METTL15: variants seen among roughly 807,000 people sequenced by gnomAD.
The protein encoded by METTL15 is 12S rRNA N(4)-cytidine methyltransferase METTL15.
Under a neutral mutation model 38.3 loss-of-function variants are expected in METTL15, and 34 were observed. That is an observed-to-expected ratio of 0.89 (90% CI 0.68 to 1.18). METTL15 has a LOEUF of 1.18. Ranked by LOEUF, METTL15 falls within the 50% of genes most tolerant of loss-of-function variation. METTL15 has a pLI of 0.00. For synonymous variants in METTL15, 162 were observed against 170.9 expected (o/e 0.95, Z 0.41); for missense variants, 438 against 498.4 (o/e 0.88, Z 1.15).
In METTL15 at chr11:28,434,921, G is replaced by C. The variant is rs117528974; in HGVS notation, c.*424+10557G>C. ...TCATGGTAGTGGCAGGAATCAAAGA[G>C]AGAAGGCAGAAATGCATGAGCAAAT... On this transcript the variant is annotated intron_variant and NMD_transcript_variant, in intron 6 of 7. Transcript: ENST00000532947. Among the ~76,000 whole-genome samples the C allele has an allele frequency of 3.8e-3, 580 of 152,358 alleles. 2 individuals carry two copies. Among genetic ancestry groups the C allele is most frequent in the Middle Eastern group, 6.8e-3 (2 of 294 alleles).
At chr11:28,490,556 T>C (rs1485311623) in intron 6 of METTL15, among the ~76,000 whole-genome samples, 1 of 152,130 alleles carries the variant, frequency 6.6e-6, no homozygotes, top group African/African-American at 2.4e-5. Context: ...CCCTGAGATT[T>C]TGATTTAATT....
chr11:28,519,766 T>TA lies in METTL15; in HGVS notation c.*425-6703dup, dbSNP rs943704235. ...GTAATATTCTATTTTGCAGAAAGGC[T>TA]AAAAAAAAATAGCATAGACATCACT... is the stretch of plus-strand genomic sequence containing the variant. On this transcript the variant is annotated intron_variant and NMD_transcript_variant, in intron 6 of 7. Transcript: ENST00000532947. 3.3e-3 allele frequency among the ~76,000 whole-genome samples: 490 copies of TA among 150,658 alleles called. 4 individuals carry two copies. Among genetic ancestry groups the TA allele is most frequent in the African/African-American group, 0.01 (419 of 41,062 alleles).
intron 3 of METTL15, among the ~76,000 whole-genome samples, chr11:28,132,863 A>G (rs1849384798): frequency 6.6e-6 from 1 of 152,326 alleles, no homozygotes; most frequent in Admixed American, 6.5e-5. Context: ...ATTTGAACTT[A>G]GAGTACTGAA....
chr11:28,375,972 T>G (rs369230375), intron 5 of METTL15, among the ~76,000 whole-genome samples: 2 of 152,166 alleles, frequency 1.3e-5, no homozygotes, highest in Middle Eastern at 3.4e-3. Context: ...TGTAGTTGAG[T>G]GGTTTTGAGT....
intron 5 of METTL15, among the ~76,000 whole-genome samples, chr11:28,368,505 G>C (rs1209568715): frequency 6.6e-6 from 1 of 152,180 alleles, no homozygotes; most frequent in African/African-American, 2.4e-5. Context: ...GGAAACAACA[G>C]ATCCTGGAGA....
intron 5 of METTL15, chr11:28,410,536 T>C (rs1392705928): frequency 3.3e-5 from 5 of 152,144 alleles, no homozygotes; most frequent in South Asian, 2.1e-4. Flanking sequence ...ATCATCTCAA[T>C]TGACTCAAAA....
At chr11:28,349,191 C>T (rs865993109) in intron 3 of METTL15, among the ~76,000 whole-genome samples, 2 of 152,150 alleles carry the variant, frequency 1.3e-5, no homozygotes, top group Admixed American at 1.3e-4. Flanking sequence ...CTTTAATTGT[C>T]ACTCCCTTTC....
Position 28,113,588 on chromosome 11 carries a change from C to T in METTL15, c.254C>T (p.Ser85Leu), listed in dbSNP as rs938366601. The change falls in exon 3 of 7, where the codon TCA becomes TTA. Residue 85 changes from serine to leucine, a missense_variant. By Grantham distance (145) the Ser-to-Leu change is moderately radical. Coordinates refer to ENST00000407364, the MANE Select transcript of METTL15 (RefSeq NM_001113528.2). The stretch of plus-strand genomic sequence containing the variant: ...GTGGATGAAGTTGTTCATTGTTTGT[C>T]ACCACAAAAAGGACAGGTGAGTTGA... ...VMVDEVVHCL[S>L]PQKGQIFLDM... 6.2e-7 allele frequency: 1 copy of T among 1,608,392 alleles called. No individual in the cohort carries two copies. The highest frequency in any genetic ancestry group is 2.2e-5 in the East Asian group (1 of 44,790).
chr11:28,138,617 A>G (rs1240184597), intron 3 of METTL15, among the ~76,000 whole-genome samples: 1 of 152,202 alleles, frequency 6.6e-6, no homozygotes, highest in Non-Finnish European at 1.5e-5. Flanking sequence ...GAATTTGTTC[A>G]CAGACGGGAA....
chr11:28,505,053 A>G (rs1472161117), intron 6 of METTL15, among the ~76,000 whole-genome samples: 1 of 152,192 alleles, frequency 6.6e-6, no homozygotes, highest in Admixed American at 6.5e-5. Context: ...AGCTGGTTGC[A>G]TTGGCTTCTG....
In METTL15 at chr11:28,294,445, G is replaced by A. The variant is rs563688567; in HGVS notation, c.600-2308G>A. Among the ~76,000 whole-genome samples the A allele has an allele frequency of 5.3e-5, 8 of 152,284 alleles. No individual in the cohort carries two copies. In the South Asian group the frequency reaches 1.7e-3, roughly 32 times the overall value. On this transcript the variant is annotated intron_variant, in intron 5 of 6. Transcript: ENST00000407364. ...TAACCAGTCGCCATTTAACACTAAA[G>A]TCTTAAAACATAGTTTATTCTCTGC...
rs75882594 is a variant in METTL15 at position 28,274,136 on chromosome 11, T to C, written c.408-16070T>C. Among the ~76,000 whole-genome samples the C allele has an allele frequency of 5.0e-4, 76 of 152,196 alleles. No individual in the cohort carries two copies. In the East Asian group the frequency reaches 0.014, roughly 27 times the overall value. On this transcript the variant is annotated intron_variant, in intron 4 of 6. Coordinates refer to ENST00000407364, the MANE Select transcript of METTL15 (RefSeq NM_001113528.2). Reference sequence around the variant, plus strand: ...TAGAGTGTGGCTAAAAGAAATTTTCTTCTGAAACACACCCAGCTAATTAAT... The same window carrying C: ...TAGAGTGTGGCTAAAAGAAATTTTCCTCTGAAACACACCCAGCTAATTAAT...
Position 28,296,857 on chromosome 11 carries a change from T to C in METTL15, c.704T>C (p.Ile235Thr). 6.2e-7 allele frequency: 1 copy of C among 1,613,492 alleles called. No individual in the cohort carries two copies. Among genetic ancestry groups the C allele is most frequent in the Non-Finnish European group, 8.5e-7 (1 of 1,179,698 alleles). The change falls in exon 6 of 7, where the codon ATC becomes ACC. Residue 235 changes from isoleucine to threonine, a missense_variant. Coordinates refer to ENST00000407364, the MANE Select transcript of METTL15 (RefSeq NM_001113528.2). ...GGGGAGGAGAAGCATGCCAAGAAAA[T>C]CGCTTCAGCAATTGTTCAGGCACGC... is the stretch of plus-strand genomic sequence containing the variant. ...TYGEEKHAKK[I>T]ASAIVQARSI...
chr11:28,240,291 C>T (rs767979211), intron 4 of METTL15, among the ~76,000 whole-genome samples: 54 of 152,080 alleles, frequency 3.6e-4, no homozygotes, highest in African/African-American at 7.2e-4. Context: ...ATTTGTTAAA[C>T]GAGAAGAATG....
intron 3 of METTL15, among the ~76,000 whole-genome samples, chr11:28,351,551 T>C (rs906141755): frequency 2.6e-5 from 4 of 152,228 alleles, no homozygotes; most frequent in African/African-American, 9.6e-5. Flanking sequence ...AGTTAATTCA[T>C]GTGAGAAAGT....
intron 3 of METTL15, among the ~76,000 whole-genome samples, chr11:28,208,615 G>T (rs1443670246): frequency 6.6e-6 from 1 of 152,168 alleles, no homozygotes; most frequent in African/African-American, 2.4e-5. Context: ...TTCTGTAGAT[G>T]TCTATTAGGT....
At chr11:28,479,093 G>A (rs1229694382) in intron 6 of METTL15, among the ~76,000 whole-genome samples, 2 of 129,250 alleles carry the variant, frequency 1.5e-5, no homozygotes, top group African/African-American at 5.5e-5. Flanking sequence ...GTGTGTGTGT[G>A]TGTTTGCTTT....
At chr11:28,410,152 C>G (rs531977758) in intron 5 of METTL15, among the ~76,000 whole-genome samples, 1 of 152,134 alleles carries the variant, frequency 6.6e-6, no homozygotes, top group East Asian at 1.9e-4. Context: ...AAGCCCAGGA[C>G]CAGATGGATT....
At chr11:28,400,548 A>G (rs1850621076) in intron 5 of METTL15, among the ~76,000 whole-genome samples, 1 of 151,870 alleles carries the variant, frequency 6.6e-6, no homozygotes, top group Non-Finnish European at 1.5e-5. Flanking sequence ...TTTAAAACCA[A>G]CTTGAATTTG....
Sources: allele counts gnomAD v4.1 joint callset (sites outside exome capture counted in the v4.1 genomes callset), GRCh38; gene constraint gnomAD v4.1.1; transcripts MANE v1.5; gene names NCBI Gene and HGNC (gene_info 2026-07-23, HGNC 2026-07-21).